Variants in CDH18 observed in about 807,000 individuals in gnomAD.
CDH18 encodes cadherin 18.
CDH18 carries 31 observed loss-of-function variants against 67.9 expected under a neutral mutation model. The observed-to-expected ratio is 0.46, with a 90% confidence interval of 0.34 to 0.62. The LOEUF (loss-of-function observed/expected upper bound fraction) is 0.62. CDH18 is among the 20% of genes least tolerant of loss of function. The pLI is 0.01. For missense variants in CDH18, 890 were observed against 975.5 expected (o/e 0.91, Z 1.17); for synonymous variants, 362 against 347.2 (o/e 1.04, Z -0.48).
chr5:20,507,575 T>C (rs1003900703), intron 1 of CDH18, among the ~76,000 whole-genome samples: 53 of 152,090 alleles, frequency 3.5e-4, no homozygotes, highest in African/African-American at 1.3e-3. Flanking sequence ...AAGAAATAAT[T>C]TTGAAAAGCT....
chr5:20,267,158 C>A (rs773713154), intron 1 of CDH18, among the ~76,000 whole-genome samples: 2 of 152,172 alleles, frequency 1.3e-5, no homozygotes, highest in Admixed American at 6.6e-5. Flanking sequence ...GTTTCATAAC[C>A]AATTTTCCCA....
In CDH18 at chr5:19,621,479, A is replaced by G. The variant is rs375260799; in HGVS notation, c.644-8878T>C. Among the ~76,000 whole-genome samples the G allele has an allele frequency of 3.8e-4, 58 of 152,208 alleles. 3 individuals are homozygous for G. The highest frequency in any genetic ancestry group is 1.2e-3 in the African/African-American group (51 of 41,532). On this transcript the variant is annotated intron_variant, in intron 5 of 12. Coordinates refer to ENST00000382275, the MANE Select transcript of CDH18 (RefSeq NM_004934.5). ...TATACCTGTTGTCCACATCCAATAG[A>G]ATTATAATCGGGATCTCATAGAGAT...
At chr5:19,932,415 C>T (rs537679238) in intron 2 of CDH18, among the ~76,000 whole-genome samples, 2 of 151,814 alleles carry the variant, frequency 1.3e-5, no homozygotes, top group East Asian at 1.9e-4. Context: ...TATGTAGATG[C>T]CCCTCCTAAC....
intron 1 of CDH18, among the ~76,000 whole-genome samples, chr5:20,274,195 A>G (rs1292313994): frequency 8.5e-5 from 13 of 152,186 alleles, no homozygotes; most frequent in Admixed American, 8.5e-4. Context: ...GACACTTTAA[A>G]TTTGAACTTC....
chr5:20,561,628 T>C (rs1758223366), intron 1 of CDH18, among the ~76,000 whole-genome samples: 2 of 152,028 alleles, frequency 1.3e-5, no homozygotes, highest in South Asian at 4.1e-4. Flanking sequence ...ATAGAAGATT[T>C]TTTTAGGGAA....
chr5:20,476,904 A>G (rs1752479235), intron 1 of CDH18, among the ~76,000 whole-genome samples: 1 of 152,182 alleles, frequency 6.6e-6, no homozygotes, highest in African/African-American at 2.4e-5. Context: ...CTGGTTTTGA[A>G]TTAATTTTGT....
chr5:20,296,456 T>G (rs1747540033), intron 1 of CDH18, among the ~76,000 whole-genome samples: 1 of 151,506 alleles, frequency 6.6e-6, no homozygotes. Context: ...AGAGACGGGG[T>G]TTCACCGTGT....
chr5:19,744,539 C>CACA (rs1251256961), intron 4 of CDH18, among the ~76,000 whole-genome samples: 4 of 150,728 alleles, frequency 2.7e-5, no homozygotes, highest in African/African-American at 9.8e-5. Context: ...CACACACACA[C>CACA]ATCTATTCCA....
chr5:19,637,982 T>G (rs1753412032), intron 5 of CDH18, among the ~76,000 whole-genome samples: 1 of 152,230 alleles, frequency 6.6e-6, no homozygotes, highest in Non-Finnish European at 1.5e-5. Context: ...ATAATTCTTT[T>G]TGTATTATCT....
At chr5:19,994,774 G>T (rs1561696208) in intron 2 of CDH18, among the ~76,000 whole-genome samples, 4 of 94,412 alleles carry the variant, frequency 4.2e-5, no homozygotes, top group South Asian at 3.6e-4. Flanking sequence ...GAGAGAGAGA[G>T]AGAGAGAGAG....
chr5:20,335,452 A>G (rs1174729743), intron 1 of CDH18, among the ~76,000 whole-genome samples: 2 of 151,966 alleles, frequency 1.3e-5, no homozygotes, highest in Non-Finnish European at 2.9e-5. Flanking sequence ...TCTGTTGCCC[A>G]GGGTAGTCTT....
intron 5 of CDH18, among the ~76,000 whole-genome samples, chr5:19,629,522 C>T (rs1160380444): frequency 6.6e-6 from 1 of 152,138 alleles, no homozygotes; most frequent in African/African-American, 2.4e-5. Flanking sequence ...AATCTTCATT[C>T]CCTGAATCAT....
chr5:20,400,617 G>A (rs980068114), intron 1 of CDH18, among the ~76,000 whole-genome samples: 5 of 148,290 alleles, frequency 3.4e-5, no homozygotes, highest in Non-Finnish European at 7.4e-5. Flanking sequence ...AAACCAGCGA[G>A]GTGTGGTGGT....
intron 5 of CDH18, among the ~76,000 whole-genome samples, chr5:19,702,138 CTT>C (rs199981472): frequency 0.014 from 1,841 of 129,284 alleles, 43 homozygotes; most frequent in African/African-American, 0.051. Flanking sequence ...TTCTTTCTTT[CTT>C]TCTCTCTCTT....
chr5:20,289,198 A>T (rs1746919797), intron 1 of CDH18, among the ~76,000 whole-genome samples: 1 of 151,984 alleles, frequency 6.6e-6, no homozygotes, highest in African/African-American at 2.4e-5. Flanking sequence ...ATATTAGCTC[A>T]CTTCTTCTTT....
chr5:19,488,447 G>A (rs1373935473), intron 11 of CDH18, among the ~76,000 whole-genome samples: 3 of 151,892 alleles, frequency 2.0e-5, no homozygotes, highest in African/African-American at 7.3e-5. Flanking sequence ...CCTCAGATGT[G>A]GATCTCTAAT....
chr5:20,481,931 G>GA (rs1021152896), intron 1 of CDH18, among the ~76,000 whole-genome samples: 13 of 149,572 alleles, frequency 8.7e-5, no homozygotes, highest in Non-Finnish European at 1.8e-4. Context: ...AAAATTAGTA[G>GA]AAAAAAAGGA....
At chr5:19,621,510 C>A (rs940025642) in intron 5 of CDH18, among the ~76,000 whole-genome samples, 1 of 152,152 alleles carries the variant, frequency 6.6e-6, no homozygotes, top group Non-Finnish European at 1.5e-5. Context: ...GAGATACCTG[C>A]ACTCCTATGT....
intron 3 of CDH18, among the ~76,000 whole-genome samples, chr5:19,826,545 C>T (rs1051048859): frequency 6.6e-6 from 1 of 152,184 alleles, no homozygotes; most frequent in African/African-American, 2.4e-5. Flanking sequence ...AGAAATCCTA[C>T]AGGCCAGAAG....
Sources: gnomAD v4.1 joint callset for allele counts (sites outside exome capture counted in the v4.1 genomes callset) on GRCh38, gnomAD v4.1.1 for gene constraint, MANE v1.5 for transcripts, NCBI Gene and HGNC (gene_info 2026-07-23, HGNC 2026-07-21) for gene names.